Variants in ST6GALNAC3 observed in about 807,000 individuals in gnomAD.
The protein encoded by ST6GALNAC3 is ST6 N-acetylgalactosaminide alpha-2,6-sialyltransferase 3, also known as alpha-N-acetylgalactosaminide alpha-2,6-sialyltransferase 3.
A neutral mutation model predicts 32.7 loss-of-function variants in ST6GALNAC3; 25 were observed. That is an observed-to-expected ratio of 0.76 (90% CI 0.56 to 1.07). The LOEUF (loss-of-function observed/expected upper bound fraction) is 1.07, where lower values mean the gene tolerates loss of function less well. ST6GALNAC3 is among the 50% of genes least tolerant of loss of function. The pLI, the probability that ST6GALNAC3 is intolerant of heterozygous loss-of-function variation, is 0.00. For missense variants in ST6GALNAC3, 355 were observed against 382.4 expected, an observed-to-expected ratio of 0.93 and a Z score of 0.60; for synonymous variants, 129 against 133.1, an observed-to-expected ratio of 0.97 and a Z score of 0.21.
chr1:76,437,638 CAT>C (rs1193077978), intron 3 of ST6GALNAC3, among the ~76,000 whole-genome samples: 2 of 147,732 alleles, frequency 1.4e-5, no homozygotes, highest in Admixed American at 1.4e-4. Context: ...AGTGCAGTGA[CAT>C]GATCTCGGCT....
chr1:76,452,994 T>G (rs994356041), intron 3 of ST6GALNAC3, among the ~76,000 whole-genome samples: 1 of 152,218 alleles, frequency 6.6e-6, no homozygotes. Flanking sequence ...TATTTCTTCC[T>G]GCTTTAATCT....
intron 1 of ST6GALNAC3, among the ~76,000 whole-genome samples, chr1:76,234,337 T>C (rs1026232350): frequency 2.0e-5 from 3 of 152,244 alleles, no homozygotes; most frequent in African/African-American, 7.2e-5. Flanking sequence ...GAAGGAATGC[T>C]TCAAGGGAAA....
At chr1:76,571,354 G>A (rs1293598719) in intron 3 of ST6GALNAC3, among the ~76,000 whole-genome samples, 1 of 152,034 alleles carries the variant, frequency 6.6e-6, no homozygotes, top group Non-Finnish European at 1.5e-5. Context: ...ACCAAAAAAT[G>A]TGAGCTACCT....
At position 76,194,819 on chromosome 1, in the gene ST6GALNAC3, G is replaced by A. The variant is rs143092451; in HGVS notation, c.19-118986G>A. On this transcript the variant is annotated intron_variant, in intron 1 of 4. Transcript: ENST00000328299. ...CCAATTGGTAGTTTTCTAAAGGTTA[G>A]TTGCGATGTGAAATCTGAAACGGAA... Among the ~76,000 whole-genome samples the A allele has an allele frequency of 4.6e-5, 7 of 152,308 alleles. No individual in the cohort carries two copies. In the East Asian group the frequency reaches 7.7e-4, roughly 17 times the overall value.
chr1:76,485,916 A>G (rs879519630), intron 3 of ST6GALNAC3, among the ~76,000 whole-genome samples: 1 of 152,180 alleles, frequency 6.6e-6, no homozygotes, highest in Admixed American at 6.5e-5. Context: ...AGATTCTGGT[A>G]TGTTGTGTCT....
chr1:76,631,032 G>A lies in ST6GALNAC3; in HGVS notation c.*2226G>A. Reference sequence around the variant, plus strand: ...CTTATTTGTTCTAGCCCCTACTGATGAGAAACATTTGAAAACTTGCTTGCT... The same window carrying A: ...CTTATTTGTTCTAGCCCCTACTGATAAGAAACATTTGAAAACTTGCTTGCT... On this transcript the variant is annotated 3_prime_UTR_variant, in exon 5 of 5. Coordinates refer to ENST00000328299, the MANE Select transcript of ST6GALNAC3 (RefSeq NM_152996.4). The A allele has an allele frequency of 3.0e-6, 3 of 985,518 alleles. No individual in the cohort carries two copies. The highest frequency in any genetic ancestry group is 3.6e-6 in the Non-Finnish European group (3 of 829,814). 61.0% of individuals were successfully genotyped at this position (985,518 alleles called of 1,614,324 possible).
At chr1:76,517,424 CT>C (rs1662240468) in intron 3 of ST6GALNAC3, among the ~76,000 whole-genome samples, 1 of 151,566 alleles carries the variant, frequency 6.6e-6, no homozygotes, top group Admixed American at 6.6e-5. Context: ...TTTTATCTAA[CT>C]TTTATATAGT....
intron 1 of ST6GALNAC3, among the ~76,000 whole-genome samples, chr1:76,212,441 G>A (rs1655219991): frequency 6.6e-6 from 1 of 151,954 alleles, no homozygotes; most frequent in African/African-American, 2.4e-5. Flanking sequence ...TTAATCAAAA[G>A]CCTTATTTTG....
chr1:76,219,052 T>C (rs542594473), intron 1 of ST6GALNAC3, among the ~76,000 whole-genome samples: 2 of 152,330 alleles, frequency 1.3e-5, no homozygotes, highest in East Asian at 3.9e-4. Flanking sequence ...GGTCACATAA[T>C]AAGTATGTAA....
intron 1 of ST6GALNAC3, among the ~76,000 whole-genome samples, chr1:76,214,101 C>T (rs2100582932): frequency 6.6e-6 from 1 of 152,168 alleles, no homozygotes; most frequent in Non-Finnish European, 1.5e-5. Flanking sequence ...CAATTCATAA[C>T]CTAGATTCCT....
Position 76,273,722 on chromosome 1 carries a change from A to G in ST6GALNAC3, c.19-40083A>G, listed in dbSNP as rs1168292162. On this transcript the variant is annotated intron_variant, in intron 1 of 4. Transcript: ENST00000328299. ...TATCGGTCTGAAAAGCAATATGGCA[A>G]CATGCACTGAGAGCCTTAAGATGCT... Among the ~76,000 whole-genome samples the G allele has an allele frequency of 2.0e-5, 3 of 152,238 alleles. No homozygotes were observed. In the East Asian group the frequency reaches 5.8e-4, roughly 29 times the overall value.
chr1:76,320,959 T>TACAC (rs200875898), intron 2 of ST6GALNAC3, among the ~76,000 whole-genome samples: 4 of 148,444 alleles, frequency 2.7e-5, no homozygotes, highest in African/African-American at 1.0e-4. Context: ...AAATGGTATA[T>TACAC]ATATACACAC....
rs181400400 is a variant in ST6GALNAC3, at chr1:76,354,044, C to A, written c.213+40045C>A. The A allele has an allele frequency of 8.0e-3, 1,255 of 156,578 alleles. 5 individuals are homozygous for A. Among genetic ancestry groups the A allele is most frequent in the Non-Finnish European group, 0.013 (923 of 70,020 alleles). The allele number at this position is 156,578 out of a possible 1,614,324, so 9.7% of individuals were successfully genotyped here. A position where few individuals can be genotyped will look rare whatever the true frequency, so the allele number is the denominator to read the frequency against. On this transcript the variant is annotated intron_variant, in intron 2 of 4. Transcript: ENST00000328299. ...ACTAATGCCAGGATAGCATCTCCCA[C>A]CATGACAGGTGCCATGGCTGCAAAG...
chr1:76,595,669 A>G (rs1476202100), intron 3 of ST6GALNAC3, among the ~76,000 whole-genome samples: 3 of 121,410 alleles, frequency 2.5e-5, no homozygotes, highest in Non-Finnish European at 5.3e-5. Flanking sequence ...GTCAATAACT[A>G]TCAATAACAT....
intron 2 of ST6GALNAC3, among the ~76,000 whole-genome samples, chr1:76,387,787 A>T (rs1198976017): frequency 6.6e-6 from 1 of 152,218 alleles, no homozygotes; most frequent in Admixed American, 6.5e-5. Flanking sequence ...TCTGAGATAC[A>T]GCATTCTATT....
intron 3 of ST6GALNAC3, among the ~76,000 whole-genome samples, chr1:76,489,386 G>T (rs115356619): frequency 0.034 from 5,213 of 151,900 alleles, 143 homozygotes; most frequent in Admixed American, 0.071. Flanking sequence ...TTATGTTGTT[G>T]TTGACCATTA....
chr1:76,622,889 T>C (rs1648737177), intron 3 of ST6GALNAC3, among the ~76,000 whole-genome samples: 1 of 151,936 alleles, frequency 6.6e-6, no homozygotes, highest in Non-Finnish European at 1.5e-5. Flanking sequence ...AAGGGAAATG[T>C]CACTCAGTTA....
At chr1:76,316,586 G>C (rs1646870950) in intron 2 of ST6GALNAC3, among the ~76,000 whole-genome samples, 1 of 151,298 alleles carries the variant, frequency 6.6e-6, no homozygotes, top group Non-Finnish European at 1.5e-5. Flanking sequence ...AACTAAAAAA[G>C]GAAAAAAAAA....
At chr1:76,423,876 T>C (rs1458369215) in intron 3 of ST6GALNAC3, among the ~76,000 whole-genome samples, 2 of 152,004 alleles carry the variant, frequency 1.3e-5, no homozygotes, top group Admixed American at 6.6e-5. Flanking sequence ...TTGGGAAGGA[T>C]TGTCAATCTA....
Sources: gnomAD v4.1 joint callset for allele counts (sites outside exome capture counted in the v4.1 genomes callset) on GRCh38, gnomAD v4.1.1 for gene constraint, MANE v1.5 for transcripts, NCBI Gene and HGNC (gene_info 2026-07-23, HGNC 2026-07-21) for gene names.